The following PDZRN4 variants were observed in gnomAD, a reference collection of about 807,000 sequenced individuals.
PDZRN4 encodes the protein PDZ domain containing ring finger 4, also known as PDZ domain-containing RING finger protein 4.
Under a neutral mutation model 99.0 loss-of-function variants are expected in PDZRN4, and 70 were observed. The observed-to-expected ratio is 0.71, with a 90% confidence interval of 0.58 to 0.86. The LOEUF is 0.86. PDZRN4 is among the 40% of genes least tolerant of loss of function. The pLI is 0.00. For missense variants in PDZRN4, 1,474 were observed against 1,331.2 expected, an observed-to-expected ratio of 1.11 and a Z score of -1.67; for synonymous variants, 551 against 501.6, an observed-to-expected ratio of 1.10 and a Z score of -1.32.
At chr12:41,342,059 A>G (rs1445571242) in intron 3 of PDZRN4, among the ~76,000 whole-genome samples, 1 of 151,956 alleles carries the variant, frequency 6.6e-6, no homozygotes. Flanking sequence ...ACTTACAGCC[A>G]ACTGATTTTT....
intron 3 of PDZRN4, among the ~76,000 whole-genome samples, chr12:41,368,115 T>C (rs2121073699): frequency 6.6e-6 from 1 of 152,124 alleles, no homozygotes; most frequent in Middle Eastern, 3.4e-3. Flanking sequence ...ACTTTTAAAA[T>C]CAAAGTAGAG....
At chr12:41,332,398 T>A (rs2120996233) in intron 3 of PDZRN4, among the ~76,000 whole-genome samples, 1 of 152,124 alleles carries the variant, frequency 6.6e-6, no homozygotes, top group South Asian at 2.1e-4. Context: ...GGGAATTTAA[T>A]GGAATCAAGA....
chr12:41,241,390 G>A (rs1951100958), intron 3 of PDZRN4, among the ~76,000 whole-genome samples: 1 of 146,452 alleles, frequency 6.8e-6, no homozygotes, highest in South Asian at 2.1e-4. Context: ...AAAGGGGTTA[G>A]GCAAATTAAT....
At chr12:41,394,482 G>T (rs1452301112) in intron 3 of PDZRN4, among the ~76,000 whole-genome samples, 5 of 152,098 alleles carry the variant, frequency 3.3e-5, no homozygotes, top group Admixed American at 3.3e-4. Context: ...TGCTCCAAAA[G>T]GTAGCAGCTT....
intron 3 of PDZRN4, among the ~76,000 whole-genome samples, chr12:41,291,806 G>A (rs947275146): frequency 1.3e-5 from 2 of 152,098 alleles, no homozygotes; most frequent in African/African-American, 2.4e-5. Context: ...AAATCCTGCA[G>A]TTATTCTTCT....
intron 3 of PDZRN4, among the ~76,000 whole-genome samples, chr12:41,313,802 A>G (rs570743145): frequency 3.9e-5 from 6 of 152,346 alleles, no homozygotes; most frequent in East Asian, 3.9e-4. Context: ...CAAAGTCATC[A>G]TTTAGTGATT....
At chr12:41,552,249 A>G (rs1565612990) in intron 5 of PDZRN4, among the ~76,000 whole-genome samples, 1 of 152,188 alleles carries the variant, frequency 6.6e-6, no homozygotes, top group Non-Finnish European at 1.5e-5. Flanking sequence ...TTTTCTTACA[A>G]TACAAATAAA....
intron 3 of PDZRN4, among the ~76,000 whole-genome samples, chr12:41,212,797 A>T (rs1184870182): frequency 1.3e-5 from 2 of 152,024 alleles, no homozygotes; most frequent in Admixed American, 1.3e-4. Context: ...TGACATTTAT[A>T]GCATAACTAG....
chr12:41,242,533 C>A (rs1056101101), intron 3 of PDZRN4, among the ~76,000 whole-genome samples: 3 of 152,168 alleles, frequency 2.0e-5, no homozygotes, highest in African/African-American at 7.2e-5. Flanking sequence ...TAAAACTATT[C>A]AGGATCAACA....
At chr12:41,546,509 C>T (rs1213651164) in intron 5 of PDZRN4, among the ~76,000 whole-genome samples, 1 of 152,082 alleles carries the variant, frequency 6.6e-6, no homozygotes, top group Non-Finnish European at 1.5e-5. Flanking sequence ...GAATGTTGTG[C>T]CTACACATGC....
intron 3 of PDZRN4, among the ~76,000 whole-genome samples, chr12:41,486,487 A>G (rs1215716104): frequency 2.0e-5 from 3 of 152,192 alleles, no homozygotes; most frequent in African/African-American, 7.2e-5. Context: ...AAGATTCTAT[A>G]TAATGCATCA....
intron 3 of PDZRN4, among the ~76,000 whole-genome samples, chr12:41,367,942 T>C (rs188502978): frequency 1.3e-5 from 2 of 152,238 alleles, no homozygotes; most frequent in Admixed American, 1.3e-4. Context: ...TTGTGACTGC[T>C]GAGAGAACAG....
intron 3 of PDZRN4, among the ~76,000 whole-genome samples, chr12:41,336,619 G>C (rs949211895): frequency 6.6e-6 from 1 of 152,154 alleles, no homozygotes; most frequent in East Asian, 1.9e-4. Context: ...TGGAGAAAGA[G>C]TAATTCACGC....
At chr12:41,428,923 A>T (rs1159682707) in intron 3 of PDZRN4, among the ~76,000 whole-genome samples, 1 of 152,198 alleles carries the variant, frequency 6.6e-6, no homozygotes, top group Non-Finnish European at 1.5e-5. Flanking sequence ...AGATGTAGGG[A>T]GAGGGAAGAG....
At chr12:41,230,656 G>A (rs1039281761) in intron 3 of PDZRN4, among the ~76,000 whole-genome samples, 2 of 151,990 alleles carry the variant, frequency 1.3e-5, no homozygotes, top group Non-Finnish European at 2.9e-5. Context: ...CCTTGGAAAT[G>A]GTAGATTCCA....
At position 41,191,528 on chromosome 12, in the gene PDZRN4, G is replaced by A. The variant is rs766908769; in HGVS notation, c.719G>A (p.Gly240Glu). The A allele has an allele frequency of 2.0e-6, 3 of 1,537,632 alleles. No homozygotes were observed. The South Asian group carries it at 3.4e-5, about 17-fold the overall frequency. Residue 240 changes from glycine (G) to glutamate (E), a missense_variant, in exon 2 of 10, where the codon GGA (glycine) becomes GAA (glutamate). Coordinates refer to ENST00000402685, the MANE Select transcript of PDZRN4 (RefSeq NM_001164595.2). ...ENDTLGFNII[G>E]GRPNQNNQEG... ...GACACTTTGGGATTCAATATTATAG[G>A]AGGTCGACCAAATCAGGTAAAACAC...
At chr12:41,234,815 C>T (rs202004180) in intron 3 of PDZRN4, among the ~76,000 whole-genome samples, 17 of 152,044 alleles carry the variant, frequency 1.1e-4, no homozygotes, top group Admixed American at 6.6e-5. Context: ...CTTAACCCTA[C>T]GACAGATGGA....
intron 3 of PDZRN4, among the ~76,000 whole-genome samples, chr12:41,257,306 T>C (rs1006530321): frequency 5.9e-5 from 9 of 152,218 alleles, no homozygotes. Context: ...TGACTTTTCA[T>C]TGTTTCCTCA....
intron 3 of PDZRN4, among the ~76,000 whole-genome samples, chr12:41,319,231 T>C (rs1258629097): frequency 2.6e-5 from 4 of 152,096 alleles, no homozygotes; most frequent in Admixed American, 6.6e-5. Context: ...TTTGGAAGGT[T>C]TATTCATGTT....
Sources: allele counts gnomAD v4.1 joint callset (sites outside exome capture counted in the v4.1 genomes callset), GRCh38; gene constraint gnomAD v4.1.1; transcripts MANE v1.5; gene names NCBI Gene and HGNC (gene_info 2026-07-23, HGNC 2026-07-21).